CTC1: variants seen among roughly 807,000 people sequenced by gnomAD.
The protein encoded by CTC1 is CST complex subunit CTC1.
In CTC1, 91 loss-of-function variants were observed where a neutral mutation model predicts 136.3. The observed-to-expected ratio is 0.67, with a 90% CI of 0.56 to 0.79. CTC1 has a LOEUF of 0.79. Among genes scored for constraint, CTC1 ranks in the 30% least tolerant of loss-of-function variants. The probability of loss-of-function intolerance (pLI) is 0.00; values close to 1 mark genes in which losing one functional copy is unlikely to be tolerated. For missense variants in CTC1, 1,432 were observed against 1,498.1 expected (o/e 0.96, Z 0.73); for synonymous variants, 606 against 613.8 (o/e 0.99, Z 0.19).
rs1018427054 is a variant in CTC1 at position 8,243,062 on chromosome 17, T to C, written c.120A>G (p.Pro40=). ...AVKEPNVQLT[P]LVIDCVKTVW... ...CAGTCTTCACACAATCAATTACCAA[T>C]GGAGTCAACTGGACATTAGGCTCCT... Residue 40 remains proline, a synonymous_variant, in exon 2 of 23, where the codon CCA becomes CCG. Coordinates refer to ENST00000651323, the MANE Select transcript of CTC1 (RefSeq NM_025099.6). 1.2e-6 allele frequency: 2 copies of C among 1,613,950 alleles called. No individual in the cohort carries two copies. The highest frequency in any genetic ancestry group is 1.3e-5 in the African/African-American group (1 of 75,044).
intron 2 of CTC1, among the ~76,000 whole-genome samples, chr17:8,242,546 A>G (rs1422250092): frequency 1.1e-5 from 1 of 91,716 alleles, no homozygotes; most frequent in African/African-American, 3.6e-5. Flanking sequence ...AAAAAAAAAA[A>G]AAAAAAAATA....
chr17:8,238,126 G>A lies in CTC1; in HGVS notation c.552C>T (p.Ala184=). 6.2e-7 allele frequency: 1 copy of A among 1,614,160 alleles called. No homozygotes were observed. Among genetic ancestry groups the A allele is most frequent in the Non-Finnish European group, 8.5e-7 (1 of 1,180,014 alleles). Residue 184 remains alanine, a synonymous_variant, in exon 4 of 23, where the codon GCC becomes GCT. Coordinates refer to ENST00000651323, the MANE Select transcript of CTC1 (RefSeq NM_025099.6). Reference sequence around the variant, plus strand: ...TGGTCAAAGGAAACACTGGCACAGGGGCATCCCACAGCTCCAAGTGCCCTT... The same window carrying A: ...TGGTCAAAGGAAACACTGGCACAGGAGCATCCCACAGCTCCAAGTGCCCTT... ...SGEGHLELWD[A]PVPVFPLTIS...
Position 8,237,439 on chromosome 17 carries a change from GCTTT to G in CTC1, c.724_727del (p.Lys242LeufsTer41), listed in dbSNP as rs199473674. The G allele has an allele frequency of 2.8e-4, 448 of 1,613,460 alleles. No individual in the cohort carries two copies. Among genetic ancestry groups the G allele is most frequent in the Admixed American group, 4.7e-4 (28 of 59,966 alleles). On this transcript the variant is annotated frameshift_variant, in exon 5 of 23. Coordinates refer to ENST00000651323, the MANE Select transcript of CTC1 (RefSeq NM_025099.6). LOFTEE classifies it high-confidence loss of function. ...TCTACCAAGAGACAGGATGAAGTAA[GCTTT>G]CTGTTTACTTTTCACCAGAGCACTC...
chr17:8,231,209 CA>C, intron 15 of CTC1, 66 bp downstream of exon 15: 1 of 1,313,292 alleles, frequency 7.6e-7, no homozygotes, highest in Non-Finnish European at 1.0e-6. Flanking sequence ...AAGTCTTCAC[CA>C]AACCCAGCTA....
chr17:8,230,314 C>T lies in CTC1; in HGVS notation c.2913G>A (p.Gln971=). Residue 971 remains glutamine (Q), a synonymous_variant, in exon 17 of 23, where the codon CAG becomes CAA. Coordinates refer to ENST00000651323, the MANE Select transcript of CTC1 (RefSeq NM_025099.6). ...TTCACCTGGAAACCCTTTTCTCCAA[C>T]TGGCTGAAGTGGACCCGGGCTCCTG... The part of the protein sequence containing the change: ...LLPGARVHFS[Q]LEKRVSRSHN... 6.2e-7 allele frequency: 1 copy of T among 1,612,662 alleles called. No individual in the cohort carries two copies. Among genetic ancestry groups the T allele is most frequent in the East Asian group, 2.2e-5 (1 of 44,886 alleles).
rs781594570 is a variant in CTC1 at position 8,238,227 on chromosome 17, G to T, written c.451C>A (p.Leu151Ile). 4.4e-6 allele frequency: 7 copies of T among 1,607,592 alleles called. No individual in the cohort carries two copies. In the South Asian group the frequency reaches 5.5e-5, roughly 13 times the overall value. Reference sequence around the variant, plus strand: ...AGAAAAAGATGGCCCAACCAAGAAAGGTCCAGGTCTATGAGCTAAGAAAGA... The same window carrying T: ...AGAAAAAGATGGCCCAACCAAGAAATGTCCAGGTCTATGAGCTAAGAAAGA... The part of the protein sequence containing the change: ...VLSCELIDLD[L>I]SWLGHLFLFP... Residue 151 changes from leucine to isoleucine, a missense_variant, in exon 4 of 23, where the codon CTT (leucine) becomes ATT (isoleucine). Transcript: ENST00000651323.
At chr17:8,243,776 T>C (rs968809716) in intron 1 of CTC1, among the ~76,000 whole-genome samples, 1 of 151,840 alleles carries the variant, frequency 6.6e-6, no homozygotes, top group Non-Finnish European at 1.5e-5. Flanking sequence ...AAACCGTTCA[T>C]AAAGAACAGG....
intron 17 of CTC1, 160 bp from the exon 18 acceptor site, chr17:8,230,128 A>G: frequency 1.1e-6 from 1 of 951,720 alleles, no homozygotes; most frequent in South Asian, 1.6e-5. Flanking sequence ...GAGGAGGACC[A>G]GCCTGCAACA....
rs919160398 is a variant in CTC1 at position 8,226,637 on chromosome 17, G to A, written c.*1543C>T. ...TAGTCGGCAGGATTCGAACCTGCGC[G>A]GGGAGACCCCAATGGATTTCTAGTC... On this transcript the variant is annotated 3_prime_UTR_variant, in exon 23 of 23. Coordinates refer to ENST00000651323, the MANE Select transcript of CTC1 (RefSeq NM_025099.6). The A allele has an allele frequency of 5.9e-5, 9 of 151,640 alleles. No homozygotes were observed. Among genetic ancestry groups the A allele is most frequent in the East Asian group, 1.9e-4 (1 of 5,196 alleles). The allele number at this position is 151,640 out of a possible 1,614,324, so 9.4% of individuals were successfully genotyped here.
chr17:8,231,602 G>A lies in CTC1; in HGVS notation c.2475+124C>T. On this transcript the variant is annotated intron_variant, in intron 14 of 22. Coordinates refer to ENST00000651323, the MANE Select transcript of CTC1 (RefSeq NM_025099.6). ...GTGTGTCAACACACACAGGCTTTCT[G>A]GTGTATCTAAATCCAGCCTTCTTCC... 2.5e-6 allele frequency: 3 copies of A among 1,215,310 alleles called. No homozygotes were observed. In the South Asian group the frequency reaches 4.0e-5, roughly 16 times the overall value. The allele number at this position is 1,215,310 out of a possible 1,614,324, so 75.3% of individuals were successfully genotyped here.
chr17:8,236,443 CTG>C (rs1191387723), intron 5 of CTC1, 101 bp from the exon 6 acceptor site: 2 of 1,230,208 alleles, frequency 1.6e-6, no homozygotes, highest in East Asian at 2.5e-5. Flanking sequence ...GACCTGCCCT[CTG>C]TGAGTCTCAA....
rs2151512596 is a variant in CTC1, at chr17:8,232,949, G to A, written c.1902C>T (p.Leu634=). 1.2e-6 allele frequency: 2 copies of A among 1,614,160 alleles called. No homozygotes were observed. The highest frequency in any genetic ancestry group is 1.7e-6 in the Non-Finnish European group (2 of 1,180,024). Residue 634 remains leucine (L), a synonymous_variant, in exon 11 of 23, where the codon CTC becomes CTT. Coordinates refer to ENST00000651323, the MANE Select transcript of CTC1 (RefSeq NM_025099.6). The part of the protein sequence containing the change: ...RDQSGSLPCL[L]LAKHSQPLSD... ...TGAGGGGTTGAGAGTGCTTGGCCAG[G>A]AGCAGGCAGGGCAGGGAACCACTTT...
In CTC1 at chr17:8,234,515, G is replaced by A. The variant is rs1213977022; in HGVS notation, c.1758C>T (p.Leu586=). The A allele has an allele frequency of 6.4e-7, 1 of 1,557,634 alleles. No individual in the cohort carries two copies. The highest frequency in any genetic ancestry group is 1.4e-5 in the African/African-American group (1 of 73,488). ...GCCAGGACCAAGCCAGGCGGCGATT[G>A]AGTTGGCAGCTGGGCAGGTAGGAGG... ...PEASYLPSCQ[L]NRRLAWSWLC... Residue 586 remains leucine (L), a synonymous_variant, in exon 10 of 23, where the codon CTC becomes CTT. Coordinates refer to ENST00000651323, the MANE Select transcript of CTC1 (RefSeq NM_025099.6).
intron 10 of CTC1, chr17:8,233,237 G>A (rs1987397903): frequency 1.8e-6 from 1 of 568,014 alleles, no homozygotes; most frequent in South Asian, 2.1e-5. Flanking sequence ...AGAAGAGAAA[G>A]CGCACAAATA....
At chr17:8,244,874 C>A (rs1988549059) in intron 1 of CTC1, among the ~76,000 whole-genome samples, 1 of 152,122 alleles carries the variant, frequency 6.6e-6, no homozygotes, top group Non-Finnish European at 1.5e-5. Flanking sequence ...CTAGAAAAGC[C>A]AGTCTTCCAT....
chr17:8,239,772 C>A (rs1988058156), intron 2 of CTC1, among the ~76,000 whole-genome samples: 1 of 152,050 alleles, frequency 6.6e-6, no homozygotes, highest in South Asian at 2.1e-4. Flanking sequence ...CAAAACATCA[C>A]AATTAATCCT....
At position 8,248,008 on chromosome 17, in the gene CTC1, G is replaced by A. The variant is rs745686555; in HGVS notation, c.29C>T (p.Ser10Phe). The A allele has an allele frequency of 2.5e-6, 4 of 1,577,602 alleles. No homozygotes were observed. Among genetic ancestry groups the A allele is most frequent in the Middle Eastern group, 1.7e-4 (1 of 5,870 alleles). ...AGACGTAATAGCAGCACTCACGGAG[G>A]AAGGGACCTGGGCCCGGCCAGCCGC... MAAGRAQVP[S>F]SEQAWLEDAQ... The change falls in exon 1 of 23, where the codon TCC becomes TTC. Residue 10 changes from serine (S) to phenylalanine (F), a missense_variant. By Grantham distance (155) the Ser-to-Phe change is radical. Coordinates refer to ENST00000651323, the MANE Select transcript of CTC1 (RefSeq NM_025099.6).
rs756625965 is a variant in CTC1, at chr17:8,228,266, CG to C, written c.3567del (p.His1189GlnfsTer2). 1 of 1,613,898 alleles carries C rather than the reference CG, an allele frequency of 6.2e-7. No individual in the cohort carries two copies. ...CAGGACAATCGGAGCCTGGGGTTCACGTGAGTCAGGAAAGGGAGCTCTCCAC... is the reference window on the plus strand; with the variant it reads ...CAGGACAATCGGAGCCTGGGGTTCACTGAGTCAGGAAAGGGAGCTCTCCAC... ...FQCGELPFLT[H>X]VNPRLRLSCL... On this transcript the variant is annotated frameshift_variant, in exon 23 of 23. Transcript: ENST00000651323. LOFTEE classifies it low-confidence loss of function (END_TRUNC).
At position 8,232,537 on chromosome 17, in the gene CTC1, A is replaced by C. The variant is rs1022053777; in HGVS notation, c.1946-62T>G. On this transcript the variant is annotated intron_variant, in intron 11 of 22. Transcript: ENST00000651323. ...AGACCTGTGGGGTGGGTTGCAAGGC[A>C]AACCATCCTACCGGCCTCACTACCC... The C allele has an allele frequency of 4.3e-6, 6 of 1,390,976 alleles. No individual in the cohort carries two copies. The African/African-American group carries it at 8.5e-5, about 20-fold the overall frequency. 86.2% of individuals were successfully genotyped at this position (1,390,976 alleles called of 1,614,324 possible).
Sources: gnomAD v4.1 joint callset for allele counts (sites outside exome capture counted in the v4.1 genomes callset) on GRCh38, gnomAD v4.1.1 for gene constraint, MANE v1.5 for transcripts, NCBI Gene and HGNC (gene_info 2026-07-23, HGNC 2026-07-21) for gene names.